CCDC85C: variants seen among roughly 807,000 people sequenced by gnomAD.
CCDC85C encodes the protein coiled-coil domain-containing protein 85C.
In CCDC85C, 18 loss-of-function variants were observed where a neutral mutation model predicts 38.3. The observed-to-expected ratio is 0.47, with a 90% CI of 0.33 to 0.70. The LOEUF (loss-of-function observed/expected upper bound fraction) is 0.70, where lower values mean the gene tolerates loss of function less well. CCDC85C is among the 30% of genes least tolerant of loss of function. The pLI is 0.03. For synonymous variants in CCDC85C, 264 were observed against 293.8 expected, an observed-to-expected ratio of 0.90 and a Z score of 1.04; for missense variants, 566 against 621.2, an observed-to-expected ratio of 0.91 and a Z score of 0.94.
At chr14:99,521,915 C>T (rs1477351285) in intron 3 of CCDC85C, among the ~76,000 whole-genome samples, 1 of 152,244 alleles carries the variant, frequency 6.6e-6, no homozygotes. Flanking sequence ...CAGCCCTGCG[C>T]ACGTGGCCTC....
chr14:99,573,371 C>A (rs1055513344), intron 1 of CCDC85C, among the ~76,000 whole-genome samples: 1 of 152,222 alleles, frequency 6.6e-6, no homozygotes, highest in Admixed American at 6.5e-5. Flanking sequence ...TTCCCAATCC[C>A]CTTAGAAGAG....
At position 99,508,344 on chromosome 14, in the gene CCDC85C, G is replaced by C. The variant is rs913961706; in HGVS notation, c.*6902C>G. 1.3e-5 allele frequency: 2 copies of C among 152,392 alleles called. No individual in the cohort carries two copies. The highest frequency in any genetic ancestry group is 4.8e-5 in the African/African-American group (2 of 41,476). The allele number at this position is 152,392 out of a possible 1,614,324, so 9.4% of individuals were successfully genotyped here. ...CCTGGGGCTGTGCCTTCACTGAGGAGATGGGTGGTTTATCTGGGGAGCCTG... is the reference window on the plus strand; with the variant it reads ...CCTGGGGCTGTGCCTTCACTGAGGACATGGGTGGTTTATCTGGGGAGCCTG... On this transcript the variant is annotated 3_prime_UTR_variant, in exon 6 of 6. Coordinates refer to ENST00000380243, the MANE Select transcript of CCDC85C (RefSeq NM_001144995.2).
chr14:99,535,927 G>A lies in CCDC85C; in HGVS notation c.867+88C>T. 1 of 986,274 alleles carries A rather than the reference G, an allele frequency of 1.0e-6. No individual in the cohort carries two copies. Among genetic ancestry groups the A allele is most frequent in the Non-Finnish European group, 1.6e-6 (1 of 641,070 alleles). The allele number at this position is 986,274 out of a possible 1,614,324, so 61.1% of individuals were successfully genotyped here. On this transcript the variant is annotated intron_variant, in intron 2 of 5. Coordinates refer to ENST00000380243, the MANE Select transcript of CCDC85C (RefSeq NM_001144995.2). The surrounding 1 kb of genome is among the most constrained non-coding windows in gnomAD (Gnocchi z 5.5). The stretch of plus-strand genomic sequence containing the variant: ...GGGAGCAGTTGGGGGGACAGCCTAG[G>A]TCCCAAGGGGAAGGGTGCCCTGGGT...
chr14:99,542,675 G>T (rs552112136), intron 1 of CCDC85C, among the ~76,000 whole-genome samples: 1 of 152,272 alleles, frequency 6.6e-6, no homozygotes, highest in South Asian at 2.1e-4. Context: ...GGAGGCAACA[G>T]AAGGGCCACA....
intron 1 of CCDC85C, among the ~76,000 whole-genome samples, chr14:99,539,469 C>CAAAAA (rs5810957): frequency 9.2e-5 from 10 of 108,484 alleles, no homozygotes; most frequent in African/African-American, 3.6e-4. Context: ...GACTCCATCT[C>CAAAAA]AAAAAAAAAA....
At position 99,501,335 on chromosome 14, in the gene CCDC85C, C is replaced by A. The variant is rs139198946; in HGVS notation, c.*13911G>T. 241 of 1,544,068 alleles carry A rather than the reference C, an allele frequency of 1.6e-4. No individual in the cohort carries two copies. The African/African-American group carries it at 3.0e-3, about 19-fold the overall frequency. On this transcript the variant is annotated 3_prime_UTR_variant, in exon 6 of 6. Coordinates refer to ENST00000380243, the MANE Select transcript of CCDC85C (RefSeq NM_001144995.2). The stretch of plus-strand genomic sequence containing the variant: ...GAATTTTTCTATTGCTATTAATTTA[C>A]CTTTTTGTCCCCATTTCTAGGTGAT...
intron 1 of CCDC85C, chr14:99,583,151 TTAAAC>T (rs1361010019): frequency 1.3e-5 from 2 of 152,112 alleles, no homozygotes; most frequent in African/African-American, 4.8e-5. Context: ...TTTAAAAAAA[TTAAAC>T]TAAAAAAAAT....
chr14:99,562,048 G>A (rs1898127163), intron 1 of CCDC85C, among the ~76,000 whole-genome samples: 1 of 152,086 alleles, frequency 6.6e-6, no homozygotes, highest in South Asian at 2.1e-4. Flanking sequence ...ACCTATTCAC[G>A]GAAATGCCCG....
At chr14:99,553,133 C>A (rs920120604) in intron 1 of CCDC85C, among the ~76,000 whole-genome samples, 2 of 152,172 alleles carry the variant, frequency 1.3e-5, no homozygotes, top group African/African-American at 4.8e-5. Flanking sequence ...AGTGACTGAC[C>A]GTCTCTGAGC....
At chr14:99,531,359 C>T (rs1193429773) in intron 2 of CCDC85C, among the ~76,000 whole-genome samples, 2 of 152,146 alleles carry the variant, frequency 1.3e-5, no homozygotes, top group East Asian at 3.9e-4. Context: ...GCGTCAATTA[C>T]AGCCGCCCCC....
intron 2 of CCDC85C, among the ~76,000 whole-genome samples, chr14:99,532,782 C>CTTCTTCTTCT (rs1555368794): frequency 1.6e-5 from 2 of 124,410 alleles, no homozygotes; most frequent in African/African-American, 6.3e-5. Flanking sequence ...TCTTCTTCTT[C>CTTCTTCTTCT]TTTTTTTTTT....
Position 99,604,102 on chromosome 14 carries a change from C to T in CCDC85C, c.-143G>A. ...CGCCCCGCGCCGCCTGGCGCGTCCT[C>T]TCGCCGCGCCCGCCGGGGCCGCCCG... On this transcript the variant is annotated 5_prime_UTR_variant, in exon 1 of 6. Coordinates refer to ENST00000380243, the MANE Select transcript of CCDC85C (RefSeq NM_001144995.2). 1 of 844,220 alleles carries T rather than the reference C, an allele frequency of 1.2e-6. No homozygotes were observed. The highest frequency in any genetic ancestry group is 1.4e-6 in the Non-Finnish European group (1 of 704,652). The allele number at this position is 844,220 out of a possible 1,614,324, so 52.3% of individuals were successfully genotyped here. A position where few individuals can be genotyped will look rare whatever the true frequency, so the allele number is the denominator to read the frequency against.
At chr14:99,519,099 C>CTTTTTT (rs59524541) in intron 3 of CCDC85C, among the ~76,000 whole-genome samples, 7 of 52,222 alleles carry the variant, frequency 1.3e-4, no homozygotes, top group African/African-American at 2.5e-4. Flanking sequence ...TCATACATGC[C>CTTTTTT]TTTTTTTTTT....
chr14:99,524,289 C>T (rs1486009348), intron 2 of CCDC85C, among the ~76,000 whole-genome samples: 1 of 152,070 alleles, frequency 6.6e-6, no homozygotes, highest in Non-Finnish European at 1.5e-5. Flanking sequence ...AGCTGCCCTC[C>T]CCTTCAGCCG....
intron 1 of CCDC85C, among the ~76,000 whole-genome samples, chr14:99,583,502 C>CA (rs35333670): frequency 0.047 from 3,978 of 85,274 alleles, 217 homozygotes; most frequent in African/African-American, 0.15. Context: ...AACTCCTTCT[C>CA]AAAAAAAAAA....
intron 1 of CCDC85C, among the ~76,000 whole-genome samples, chr14:99,546,196 T>G (rs949016542): frequency 1.3e-5 from 2 of 151,696 alleles, no homozygotes; most frequent in African/African-American, 2.4e-5. Context: ...CAACCAAATC[T>G]CTATCGAGTG....
chr14:99,571,777 C>T (rs957120571), intron 1 of CCDC85C, among the ~76,000 whole-genome samples: 4 of 152,222 alleles, frequency 2.6e-5, no homozygotes, highest in Non-Finnish European at 4.4e-5. Flanking sequence ...ATATTTCAGG[C>T]AGGTAGGTGC....
chr14:99,541,573 G>A lies in CCDC85C; in HGVS notation c.794-5485C>T, dbSNP rs116725221. Among the ~76,000 whole-genome samples, 282 of 152,294 alleles carry A rather than the reference G, an allele frequency of 1.9e-3. 3 individuals carry two copies. The highest frequency in any genetic ancestry group is 6.4e-3 in the African/African-American group (265 of 41,572). ...GGGAAGGGAAGAAGCCAATGGAAGG[G>A]GTGTCCACTCTGCCGGTGAGCTCTA... On this transcript the variant is annotated intron_variant, in intron 1 of 5. Transcript: ENST00000380243.
chr14:99,598,764 C>G (rs928613057), intron 1 of CCDC85C, among the ~76,000 whole-genome samples: 8 of 152,240 alleles, frequency 5.3e-5, no homozygotes, highest in Admixed American at 5.2e-4. Context: ...ACCACCACTC[C>G]AAGCCCTGAT....
Sources: allele counts gnomAD v4.1 joint callset (sites outside exome capture counted in the v4.1 genomes callset), GRCh38; gene constraint gnomAD v4.1.1; non-coding constraint Gnocchi (gnomAD v3.1); transcripts MANE v1.5; gene names NCBI Gene and HGNC (gene_info 2026-07-23, HGNC 2026-07-21).